Variants in CHSY1 observed in about 807,000 individuals in gnomAD.
CHSY1 encodes N-acetylgalactosaminyl-proteoglycan 3-beta-glucuronosyltransferase 1.
A neutral mutation model predicts 59.8 loss-of-function variants in CHSY1; 13 were observed. The ratio of observed to expected loss-of-function variants is 0.22; its 90% CI spans 0.14 to 0.35. The LOEUF (loss-of-function observed/expected upper bound fraction) is 0.35, where lower values mean the gene tolerates loss of function less well. Ranked by LOEUF, CHSY1 falls within the 10% of genes least tolerant of loss-of-function variation. The pLI is 1.00. For synonymous variants in CHSY1, 459 were observed against 401.2 expected, an observed-to-expected ratio of 1.14 and a Z score of -1.72; for missense variants, 947 against 1,030.6, an observed-to-expected ratio of 0.92 and a Z score of 1.11.
intron 2 of CHSY1, among the ~76,000 whole-genome samples, chr15:101,179,512 T>A (rs2038245879): frequency 6.6e-6 from 1 of 152,200 alleles, no homozygotes. Context: ...GGAGGCGGCC[T>A]GGCCCTGCGA....
At chr15:101,234,862 C>T (rs1050831010) in intron 2 of CHSY1, among the ~76,000 whole-genome samples, 1 of 151,926 alleles carries the variant, frequency 6.6e-6, no homozygotes, top group East Asian at 1.9e-4. Flanking sequence ...GCAAGACTCT[C>T]TCTGGGGGGA....
chr15:101,231,225 G>A (rs1458337120), intron 2 of CHSY1, among the ~76,000 whole-genome samples: 3 of 152,154 alleles, frequency 2.0e-5, no homozygotes, highest in Admixed American at 6.5e-5. Context: ...AAACACTGCC[G>A]AAAGAACTGG....
chr15:101,246,801 T>C (rs545863795), intron 1 of CHSY1, among the ~76,000 whole-genome samples: 9 of 152,104 alleles, frequency 5.9e-5, no homozygotes, highest in Admixed American at 2.6e-4. Context: ...AAAACTAAAA[T>C]CAGAAAGGGA....
At chr15:101,234,961 G>T in intron 2 of CHSY1, 121 bp downstream of exon 2, 2 of 1,314,030 alleles carry the variant, frequency 1.5e-6, no homozygotes, top group Non-Finnish European at 2.1e-6. Context: ...TAAAAATGTA[G>T]AATAATACCA....
At chr15:101,189,465 C>CG (rs1055408670) in intron 2 of CHSY1, 19 of 985,384 alleles carry the variant, frequency 1.9e-5, no homozygotes, top group Non-Finnish European at 2.3e-5. Context: ...GGATGGAGCT[C>CG]GGGGGGACCA....
At chr15:101,251,099 C>T (rs1047448435) in intron 1 of CHSY1, 38 bp downstream of exon 1, 5 of 1,534,622 alleles carry the variant, frequency 3.3e-6, no homozygotes, top group Admixed American at 1.9e-5. Context: ...GCCGGGATGC[C>T]GGACGCAGGA....
rs150420111 is a variant in CHSY1, at chr15:101,184,422, C to A, written c.817-5442G>T. On this transcript the variant is annotated intron_variant, in intron 2 of 2. Transcript: ENST00000254190. ...TTGAGACAGGGTCTCCTTCTGTCAT[C>A]CAGGCTGGAGTGCAGTGGTGTGATC... 3.3e-3 allele frequency among the ~76,000 whole-genome samples: 501 copies of A among 150,736 alleles called. 5 individuals are homozygous for A. The highest frequency in any genetic ancestry group is 0.011 in the African/African-American group (458 of 41,022).
chr15:101,178,060 G>A lies in CHSY1; in HGVS notation c.1737C>T (p.Asp579=), dbSNP rs757907731. 6.2e-7 allele frequency: 1 copy of A among 1,614,206 alleles called. No individual in the cohort carries two copies. Among genetic ancestry groups the A allele is most frequent in the Non-Finnish European group, 8.5e-7 (1 of 1,180,034 alleles). Reference sequence around the variant, plus strand: ...TCATCAGTTCAACTTGTTTGGCCTTGTCAGGGTTGGAGTCAGAATTGAAAA... The same window carrying A: ...TCATCAGTTCAACTTGTTTGGCCTTATCAGGGTTGGAGTCAGAATTGAAAA... ...VLLFNSDSNP[D]KAKQVELMRD... The change falls in exon 3 of 3, where the codon GAC becomes GAT. Residue 579 remains aspartate (D), a synonymous_variant. Transcript: ENST00000254190.
intron 2 of CHSY1, among the ~76,000 whole-genome samples, chr15:101,204,042 T>C (rs2038599900): frequency 1.3e-5 from 2 of 152,190 alleles, no homozygotes; most frequent in African/African-American, 4.8e-5. Flanking sequence ...GATTACTGCG[T>C]TGTGTTTATG....
intron 2 of CHSY1, among the ~76,000 whole-genome samples, chr15:101,199,958 C>G (rs2038554412): frequency 6.6e-6 from 1 of 152,196 alleles, no homozygotes; most frequent in Non-Finnish European, 1.5e-5. Flanking sequence ...AAGTGAGTCA[C>G]AAAAGCCCTC....
chr15:101,223,545 A>G (rs1307567164), intron 2 of CHSY1, among the ~76,000 whole-genome samples: 8 of 151,610 alleles, frequency 5.3e-5, no homozygotes, highest in African/African-American at 2.4e-5. Flanking sequence ...CCACACTGGG[A>G]CTCAGGCCTC....
intron 1 of CHSY1, among the ~76,000 whole-genome samples, chr15:101,239,289 T>C (rs970537449): frequency 6.6e-6 from 1 of 152,220 alleles, no homozygotes; most frequent in African/African-American, 2.4e-5. Flanking sequence ...TCTTGTACTT[T>C]GAGAAATTTT....
intron 2 of CHSY1, among the ~76,000 whole-genome samples, chr15:101,208,787 A>G (rs1403728529): frequency 6.6e-6 from 1 of 152,170 alleles, no homozygotes; most frequent in Non-Finnish European, 1.5e-5. Context: ...TGATGTAAAC[A>G]TGGAAATGTA....
At chr15:101,203,184 A>T (rs1003366843) in intron 2 of CHSY1, among the ~76,000 whole-genome samples, 1 of 152,142 alleles carries the variant, frequency 6.6e-6, no homozygotes, top group Admixed American at 6.5e-5. Context: ...CCCCTGAAAT[A>T]GGGGGGGTGA....
intron 2 of CHSY1, among the ~76,000 whole-genome samples, chr15:101,231,315 T>C (rs529141267): frequency 5.9e-5 from 9 of 152,322 alleles, no homozygotes; most frequent in African/African-American, 2.2e-4. Context: ...AGATGGTAGG[T>C]ATTACGCTAC....
rs568077597 is a variant in CHSY1 at position 101,190,311 on chromosome 15, G to A, written c.817-11331C>T. Among the ~76,000 whole-genome samples, 3 of 152,308 alleles carry A rather than the reference G, an allele frequency of 2.0e-5. No homozygotes were observed. In the South Asian group the frequency reaches 6.2e-4, roughly 32 times the overall value. On this transcript the variant is annotated intron_variant, in intron 2 of 2. Coordinates refer to ENST00000254190, the MANE Select transcript of CHSY1 (RefSeq NM_014918.5). ...CTAGTAAAGCTTTAAATTCCATAGT[G>A]TCAAATTCCCAGGGAAGCAATATGA...
chr15:101,181,814 C>G (rs1456103790), intron 2 of CHSY1, among the ~76,000 whole-genome samples: 1 of 152,174 alleles, frequency 6.6e-6, no homozygotes. Context: ...ACTCCTCATG[C>G]AGTCAAAAAC....
At chr15:101,207,901 A>AG (rs746385041) in intron 2 of CHSY1, among the ~76,000 whole-genome samples, 7 of 152,150 alleles carry the variant, frequency 4.6e-5, no homozygotes, top group Non-Finnish European at 8.8e-5. Context: ...AGATGGGGTG[A>AG]GGGTGGGCTG....
intron 2 of CHSY1, among the ~76,000 whole-genome samples, chr15:101,215,868 C>A (rs1286184939): frequency 6.6e-6 from 1 of 152,116 alleles, no homozygotes; most frequent in African/African-American, 2.4e-5. Context: ...GTTGTTCAGA[C>A]TTGTCTTAAA....
Sources: gnomAD v4.1 joint callset for allele counts (sites outside exome capture counted in the v4.1 genomes callset) on GRCh38, gnomAD v4.1.1 for gene constraint, MANE v1.5 for transcripts, NCBI Gene and HGNC (gene_info 2026-07-23, HGNC 2026-07-21) for gene names.